SLC6A9: variants seen among roughly 807,000 people sequenced by gnomAD.
The protein encoded by SLC6A9 is sodium- and chloride-dependent glycine transporter 1.
In SLC6A9, 31 loss-of-function variants were observed where a neutral mutation model predicts 70.9. That is an observed-to-expected ratio of 0.44 (90% CI 0.33 to 0.59). The LOEUF is 0.59. Ranked by LOEUF, SLC6A9 falls within the 20% of genes least tolerant of loss-of-function variation. The pLI is 0.04. For missense variants in SLC6A9, 631 were observed against 845.2 expected (o/e 0.75, Z 3.14); for synonymous variants, 310 against 341.3 (o/e 0.91, Z 1.01).
chr1:44,001,601 T>G lies in SLC6A9; in HGVS notation c.989A>C (p.Asn330Thr), dbSNP rs1481348901. ...YRDSVIISIT[N>T]CATSVYAGFV... ...GCCAGCATAGACGCTGGTGGCACAG[T>G]TGGTGATGCTGATGATGACACTGTC... The change falls in exon 9 of 14, where the codon AAC becomes ACC. Residue 330 changes from asparagine (N) to threonine (T), a missense_variant. Physicochemically the swap from Asn to Thr is moderately conservative, Grantham distance 65. Coordinates refer to ENST00000372310, the MANE Select transcript of SLC6A9 (RefSeq NM_001024845.3). 1 of 1,613,880 alleles carries G rather than the reference T, an allele frequency of 6.2e-7. No individual in the cohort carries two copies. The highest frequency in any genetic ancestry group is 8.5e-7 in the Non-Finnish European group (1 of 1,179,890).
At position 44,024,248 on chromosome 1, in the gene SLC6A9, C is replaced by T; in HGVS notation, c.30G>A (p.Leu10=). The T allele has an allele frequency of 6.2e-7, 1 of 1,614,206 alleles. No homozygotes were observed. The highest frequency in any genetic ancestry group is 8.5e-7 in the Non-Finnish European group (1 of 1,180,000). The part of the protein sequence containing the change: MVGKGAKGM[L]NGAVPSEATK... ...CCCGCAGTCTGGCCTCTGTACTCAC[C>T]AGCATCCCTTTGGCACCTTTTCCTA... Residue 10 remains leucine, a splice_region_variant and synonymous_variant, in exon 2 of 14, where the codon CTG becomes CTA. Transcript: ENST00000372310.
In SLC6A9 at chr1:44,024,284, G is replaced by A. The variant is rs145104753; in HGVS notation, c.-7C>T. On this transcript the variant is annotated 5_prime_UTR_variant, in exon 2 of 14. Coordinates refer to ENST00000372310, the MANE Select transcript of SLC6A9 (RefSeq NM_001024845.3). The stretch of plus-strand genomic sequence containing the variant: ...TGGCACCTTTTCCTACCATGGCGGC[G>A]GTGGGTTGGGGCTCTGGTGACGGGG... The A allele has an allele frequency of 0.019, 31,029 of 1,613,998 alleles. 350 individuals are homozygous for A. The highest frequency in any genetic ancestry group is 0.022 in the Non-Finnish European group (26,229 of 1,179,820).
chr1:44,024,434 C>T (rs1271054174), intron 1 of SLC6A9, 72 bp from the exon 2 acceptor site: 25 of 869,926 alleles, frequency 2.9e-5, no homozygotes, highest in Non-Finnish European at 3.4e-5. Context: ...CAGGTAGTGC[C>T]GAGCCACCCA....
chr1:43,997,520 G>A lies in SLC6A9; in HGVS notation c.*25C>T. On this transcript the variant is annotated 3_prime_UTR_variant, in exon 14 of 14. Transcript: ENST00000372310. The surrounding 1 kb of genome is among the most constrained non-coding windows in gnomAD (Gnocchi z 4.4). ...TGCGGTGGGAGCACGGGGTGGGGGT[G>A]GGGCCACTCCCCTGGCAGCTGTGCT... 1 of 1,600,266 alleles carries A rather than the reference G, an allele frequency of 6.2e-7. No individual in the cohort carries two copies. The highest frequency in any genetic ancestry group is 1.3e-5 in the African/African-American group (1 of 74,700).
rs149156458 is a variant in SLC6A9, at chr1:44,022,718, C to T, written c.30+1530G>A. ...TTAATTTTTCTTTCTTTCTTTCTTT[C>T]TTTCTTTTTTTTTTTTTTGAGACAG... On this transcript the variant is annotated intron_variant, in intron 2 of 13. Coordinates refer to ENST00000372310, the MANE Select transcript of SLC6A9 (RefSeq NM_001024845.3). Among the ~76,000 whole-genome samples the T allele has an allele frequency of 2.4e-3, 146 of 59,912 alleles. 8 individuals are homozygous for T. The highest frequency in any genetic ancestry group is 5.9e-3 in the African/African-American group (80 of 13,516). 39.3% of individuals were successfully genotyped at this position (59,912 alleles called of 152,430 possible). A position where few individuals can be genotyped will look rare whatever the true frequency, so the allele number is the denominator to read the frequency against.
chr1:44,029,418 G>A (rs2087050360), intron 1 of SLC6A9, among the ~76,000 whole-genome samples: 1 of 152,196 alleles, frequency 6.6e-6, no homozygotes, highest in South Asian at 2.1e-4. Context: ...CTGCCGCCAC[G>A]TGAGACTACC....
chr1:44,008,588 T>C lies in SLC6A9; in HGVS notation c.355A>G (p.Ile119Val), dbSNP rs745863001. 4.3e-6 allele frequency: 7 copies of C among 1,613,750 alleles called. No individual in the cohort carries two copies. Among genetic ancestry groups the C allele is most frequent in the African/African-American group, 1.3e-5 (1 of 74,884 alleles). ...GYGMMVVSTY[I>V]GIYYNVVICI... ...ATGACCACATTGTAGTAGATGCCGA[T>C]GTAGGTGGACACCACCATCATACCA... The change falls in exon 5 of 14, where the codon ATC (isoleucine) becomes GTC (valine). Residue 119 changes from isoleucine to valine, a missense_variant. Coordinates refer to ENST00000372310, the MANE Select transcript of SLC6A9 (RefSeq NM_001024845.3).
intron 2 of SLC6A9, among the ~76,000 whole-genome samples, chr1:44,022,722 C>CTTTCTTTTTTTTT (rs1553164497): frequency 8.4e-6 from 1 of 118,958 alleles, no homozygotes; most frequent in Admixed American, 9.6e-5. Context: ...TTCTTTCTTT[C>CTTTCTTTTTTTTT]TTTTTTTTTT....
intron 2 of SLC6A9, chr1:44,016,321 C>T (rs1207058796): frequency 6.6e-6 from 1 of 152,380 alleles, no homozygotes; most frequent in Non-Finnish European, 1.5e-5. Context: ...AGTACTGAGG[C>T]TTGAGGGCAG....
intron 2 of SLC6A9, among the ~76,000 whole-genome samples, chr1:44,011,191 C>T (rs2086553611): frequency 6.6e-6 from 1 of 152,152 alleles, no homozygotes; most frequent in South Asian, 2.1e-4. Context: ...CCAGGAGCCC[C>T]CAAGCCCCTC....
intron 4 of SLC6A9, 69 bp from the exon 5 acceptor site, chr1:44,008,692 T>A: frequency 1.6e-6 from 2 of 1,251,160 alleles, no homozygotes; most frequent in Non-Finnish European, 2.2e-6. Flanking sequence ...TAATAATTTC[T>A]TTTTTTTCTT....
At chr1:44,017,286 C>G (rs2086783433) in intron 2 of SLC6A9, 1 of 1,469,758 alleles carries the variant, frequency 6.8e-7, no homozygotes, top group Non-Finnish European at 8.9e-7. Context: ...CCCCATGCAG[C>G]CCAGCACGGG....
rs1178244275 is a variant in SLC6A9 at position 44,022,698 on chromosome 1, TTTTCTTTCTTTC to T, written c.30+1538_30+1549del. 4.7e-5 allele frequency among the ~76,000 whole-genome samples: 5 copies of T among 107,160 alleles called. 1 individual carries two copies. The highest frequency in any genetic ancestry group is 3.2e-4 in the African/African-American group (5 of 15,548). The allele number at this position is 107,160 out of a possible 152,430, so 70.3% of individuals were successfully genotyped here. On this transcript the variant is annotated intron_variant, in intron 2 of 13. Coordinates refer to ENST00000372310, the MANE Select transcript of SLC6A9 (RefSeq NM_001024845.3). ...CTCCCACAAACTGCTGTTTTTTAAT[TTTTCTTTCTTTC>T]TTTCTTTCTTTCTTTTTTTTTTTTT...
intron 2 of SLC6A9, chr1:44,015,884 C>A: frequency 1.0e-6 from 1 of 985,372 alleles, no homozygotes; most frequent in South Asian, 4.7e-5. Flanking sequence ...GCCGAGCAGC[C>A]CCCAGTGGCC....
In SLC6A9 at chr1:44,017,114, C is replaced by T. The variant is rs766797572; in HGVS notation, c.31-6232G>A. On this transcript the variant is annotated intron_variant, in intron 2 of 13. Coordinates refer to ENST00000372310, the MANE Select transcript of SLC6A9 (RefSeq NM_001024845.3). Reference sequence around the variant, plus strand: ...CATCCTGGGGCGAGCGATCGCAGCCCGCGTGTCTCCGCCGCTCATTCACAC... The same window carrying T: ...CATCCTGGGGCGAGCGATCGCAGCCTGCGTGTCTCCGCCGCTCATTCACAC... The T allele has an allele frequency of 8.0e-5, 129 of 1,605,986 alleles. 1 individual carries two copies. Among genetic ancestry groups the T allele is most frequent in the Middle Eastern group, 1.7e-4 (1 of 6,056 alleles).
At chr1:44,023,146 G>C (rs1019619273) in intron 2 of SLC6A9, among the ~76,000 whole-genome samples, 1 of 152,192 alleles carries the variant, frequency 6.6e-6, no homozygotes, top group African/African-American at 2.4e-5. Flanking sequence ...GGATTGAAAG[G>C]ATGGGAGCTG....
At chr1:44,005,327 G>C (rs1340913140) in intron 5 of SLC6A9, among the ~76,000 whole-genome samples, 1 of 152,198 alleles carries the variant, frequency 6.6e-6, no homozygotes, top group Non-Finnish European at 1.5e-5. Flanking sequence ...GGGAGGGGAG[G>C]ACCCTGAGTG....
chr1:44,019,789 T>A (rs868286327), intron 2 of SLC6A9, among the ~76,000 whole-genome samples: 1 of 152,256 alleles, frequency 6.6e-6, no homozygotes, highest in African/African-American at 2.4e-5. Context: ...AGAGTGGGCA[T>A]GCTTCCAGAG....
At chr1:44,001,899 C>CT (rs1308746411) in intron 8 of SLC6A9, among the ~76,000 whole-genome samples, 1 of 152,112 alleles carries the variant, frequency 6.6e-6, no homozygotes, top group Non-Finnish European at 1.5e-5. Flanking sequence ...AGCTAATTTT[C>CT]TTTTTTATGT....
Sources: gnomAD v4.1 joint callset for allele counts (sites outside exome capture counted in the v4.1 genomes callset) on GRCh38, gnomAD v4.1.1 for gene constraint, Gnocchi (gnomAD v3.1) non-coding constraint, MANE v1.5 for transcripts, NCBI Gene and HGNC (gene_info 2026-07-23, HGNC 2026-07-21) for gene names.